The following ZNF695 variants were observed in gnomAD, a reference collection of about 807,000 sequenced individuals.
ZNF695 encodes zinc finger protein SBZF3.
ZNF695 carries 11 observed loss-of-function variants against 11.2 expected under a neutral mutation model. That is an observed-to-expected ratio of 0.98 (90% CI 0.62 to 1.62). The LOEUF (loss-of-function observed/expected upper bound fraction) is 1.62. Ranked by LOEUF, ZNF695 falls within the 40% of genes most tolerant of loss-of-function variation. The pLI is 0.00. For missense variants in ZNF695, 559 were observed against 590.5 expected, an observed-to-expected ratio of 0.95 and a Z score of 0.55; for synonymous variants, 190 against 201.4, an observed-to-expected ratio of 0.94 and a Z score of 0.48.
At chr1:246,957,557 A>G (rs1161900347) in intron 5 of ZNF695, among the ~76,000 whole-genome samples, 1 of 152,218 alleles carries the variant, frequency 6.6e-6, no homozygotes, top group Non-Finnish European at 1.5e-5. Context: ...GCAGATATTT[A>G]TAATAAAATA....
chr1:247,001,291 A>G (rs1669372867), intron 1 of ZNF695, among the ~76,000 whole-genome samples: 1 of 152,112 alleles, frequency 6.6e-6, no homozygotes, highest in East Asian at 1.9e-4. Context: ...ACAGGCCAGG[A>G]GCAGAGGCTA....
rs866840110 is a variant in ZNF695 at position 246,945,848 on chromosome 1, A to G, written c.489-21T>C. 9 of 1,549,752 alleles carry G rather than the reference A, an allele frequency of 5.8e-6. No homozygotes were observed. In the Middle Eastern group the frequency reaches 5.0e-4, roughly 86 times the overall value. ...GGACCCTGAAAAAAAGAAAGAAAGA[A>G]AAGCAGCTTAAGGTTCCGAGTAGCT... On this transcript the variant is annotated intron_variant, in intron 5 of 5. Transcript: ENST00000487338.
At chr1:246,961,163 T>A (rs1668153782) in intron 5 of ZNF695, among the ~76,000 whole-genome samples, 1 of 152,180 alleles carries the variant, frequency 6.6e-6, no homozygotes, top group African/African-American at 2.4e-5. Flanking sequence ...AATGCATATG[T>A]AACTCAAACT....
chr1:246,997,145 C>T (rs750709389), intron 3 of ZNF695, among the ~76,000 whole-genome samples: 1 of 151,818 alleles, frequency 6.6e-6, no homozygotes, highest in Non-Finnish European at 1.5e-5. Context: ...AAGGATTGCT[C>T]GAGGCCAGGA....
rs368482545 is a variant in ZNF695 at position 246,987,790 on chromosome 1, C to G, written c.725G>C (p.Cys242Ser). ...RIHVGEKHCK[C>S]EECNNIFKSC... is the part of the protein sequence containing the mutation. ...CTTAAAAATGTTATTACATTCTTCA[C>G]ATTTGCAATGTTTCTCTCCAACATG... is the stretch of plus-strand genomic sequence containing the variant. Residue 242 changes from cysteine (C) to serine (S), a missense_variant, in exon 4 of 4, where the codon TGT becomes TCT. Cys to Ser is a moderately radical substitution (Grantham distance 112). Coordinates refer to ENST00000339986, the MANE Select transcript of ZNF695 (RefSeq NM_020394.5). The G allele has an allele frequency of 5.7e-5, 92 of 1,607,580 alleles. No individual in the cohort carries two copies. In the African/African-American group the frequency reaches 1.1e-3, roughly 20 times the overall value.
At chr1:246,976,594 A>G (rs1204831266) in intron 4 of ZNF695, among the ~76,000 whole-genome samples, 1 of 151,596 alleles carries the variant, frequency 6.6e-6, no homozygotes, top group East Asian at 1.9e-4. Context: ...GGAGATCGAG[A>G]CCATCCTGGC....
intron 5 of ZNF695, among the ~76,000 whole-genome samples, chr1:246,955,877 C>G (rs75878535): frequency 0.021 from 3,178 of 152,058 alleles, 68 homozygotes; most frequent in African/African-American, 0.054. Flanking sequence ...GGGTAGACAA[C>G]GGTCTCATCA....
At position 247,000,060 on chromosome 1, in the gene ZNF695, G is replaced by T. The variant is rs574322024; in HGVS notation, c.18C>A (p.Phe6Leu). 6.2e-7 allele frequency: 1 copy of T among 1,607,272 alleles called. No homozygotes were observed. Among genetic ancestry groups the T allele is most frequent in the South Asian group, 1.1e-5 (1 of 89,628 alleles). Residue 6 changes from phenylalanine (F) to leucine (L), a missense_variant, in exon 2 of 4, where the codon TTC becomes TTA. Coordinates refer to ENST00000339986, the MANE Select transcript of ZNF695 (RefSeq NM_020394.5). ...GAGAGAATTCTAGAGCCACATCCCT[G>T]AATGCCAATAGTCCCTGAAAAAGAA... MGLLA[F>L]RDVALEFSPE...
chr1:246,961,101 C>A (rs1668151976), intron 5 of ZNF695, among the ~76,000 whole-genome samples: 1 of 152,098 alleles, frequency 6.6e-6, no homozygotes. Context: ...CAGTTGATGA[C>A]CAAGAAACTT....
At chr1:246,976,658 G>A (rs1015437283) in intron 4 of ZNF695, among the ~76,000 whole-genome samples, 5 of 151,864 alleles carry the variant, frequency 3.3e-5, no homozygotes, top group African/African-American at 1.2e-4. Context: ...GCCAGGCATG[G>A]TGGCGGGCAC....
rs1239969010 is a variant in ZNF695 at position 246,985,789 on chromosome 1, C to T, written c.*1178G>A. On this transcript the variant is annotated 3_prime_UTR_variant, in exon 4 of 4. Coordinates refer to ENST00000339986, the MANE Select transcript of ZNF695 (RefSeq NM_020394.5). ...CCTATCTCATGAATCACTTACAACC[C>T]TATTATAAGACAAGTACAAAGAGCC... is the stretch of plus-strand genomic sequence containing the variant. 1 of 985,334 alleles carries T rather than the reference C, an allele frequency of 1.0e-6. No homozygotes were observed. The highest frequency in any genetic ancestry group is 1.2e-6 in the Non-Finnish European group (1 of 829,896). 61.0% of individuals were successfully genotyped at this position (985,334 alleles called of 1,614,324 possible).
chr1:247,000,497 AAAAT>A (rs968579741), intron 1 of ZNF695, among the ~76,000 whole-genome samples: 12 of 152,204 alleles, frequency 7.9e-5, no homozygotes, highest in Admixed American at 2.0e-4. Flanking sequence ...CTCTGTCTCA[AAAAT>A]AAATAAATAA....
Position 246,987,650 on chromosome 1 carries a change from T to C in ZNF695, c.865A>G (p.Ile289Val). The C allele has an allele frequency of 1.2e-6, 2 of 1,600,142 alleles. No individual in the cohort carries two copies. The highest frequency in any genetic ancestry group is 8.5e-7 in the Non-Finnish European group (1 of 1,174,898). ...LCSVLTKHKK[I>V]HTGEKPYKCE... Reference sequence around the variant, plus strand: ...TTGTATGGTTTCTCTCCAGTATGAATTTTCTTATGTTTAGTAAGAACTGAG... The same window carrying C: ...TTGTATGGTTTCTCTCCAGTATGAACTTTCTTATGTTTAGTAAGAACTGAG... The change falls in exon 4 of 4, where the codon ATT becomes GTT. Residue 289 changes from isoleucine (I) to valine (V), a missense_variant. By Grantham distance (29) the Ile-to-Val change is conservative. Coordinates refer to ENST00000339986, the MANE Select transcript of ZNF695 (RefSeq NM_020394.5).
At chr1:246,993,259 T>C (rs1425313527) in intron 3 of ZNF695, among the ~76,000 whole-genome samples, 1 of 151,916 alleles carries the variant, frequency 6.6e-6, no homozygotes, top group South Asian at 2.1e-4. Context: ...ATACAAAAAT[T>C]AGCCAGGCAT....
downstream of ZNF695, among the ~76,000 whole-genome samples, chr1:246,980,828 C>T (rs192202589): frequency 2.7e-3 from 414 of 152,198 alleles, 1 homozygote; most frequent in African/African-American, 9.3e-3. Context: ...AAACATAAGG[C>T]AAAAGTACCA....
intron 5 of ZNF695, among the ~76,000 whole-genome samples, chr1:246,946,554 C>T (rs183203464): frequency 5.8e-4 from 88 of 152,372 alleles, no homozygotes; most frequent in African/African-American, 2.1e-3. Flanking sequence ...GGCTGGCAGC[C>T]AGGCGGGCCC....
chr1:246,953,471 C>A (rs1056788629), intron 5 of ZNF695, among the ~76,000 whole-genome samples: 1 of 151,902 alleles, frequency 6.6e-6, no homozygotes, highest in Non-Finnish European at 1.5e-5. Flanking sequence ...ATTAGCCAGG[C>A]GTGGTGGCAC....
At chr1:246,959,691 G>A (rs1668115384) in intron 5 of ZNF695, among the ~76,000 whole-genome samples, 1 of 152,066 alleles carries the variant, frequency 6.6e-6, no homozygotes, top group Admixed American at 6.6e-5. Flanking sequence ...CTCCCAAAGT[G>A]CTGGGATTAC....
intron 3 of ZNF695, among the ~76,000 whole-genome samples, chr1:246,992,478 C>T (rs186405637): frequency 5.3e-4 from 81 of 152,164 alleles, no homozygotes; most frequent in Admixed American, 1.0e-3. Context: ...TGAAAAAGAC[C>T]TACTATTGAA....
Sources: allele counts gnomAD v4.1 joint callset (sites outside exome capture counted in the v4.1 genomes callset), GRCh38; gene constraint gnomAD v4.1.1; transcripts MANE v1.5; gene names NCBI Gene and HGNC (gene_info 2026-07-23, HGNC 2026-07-21).